Variants in FRMD4A observed in about 807,000 individuals in gnomAD.
The protein encoded by FRMD4A is FERM domain-containing protein 4A.
FRMD4A carries 29 observed loss-of-function variants against 129.1 expected under a neutral mutation model. The ratio of observed to expected loss-of-function variants is 0.22; its 90% CI spans 0.17 to 0.31. The LOEUF (loss-of-function observed/expected upper bound fraction) is 0.31, where lower values mean the gene tolerates loss of function less well. Among genes scored for constraint, FRMD4A ranks in the 10% least tolerant of loss-of-function variants. The pLI is 1.00. For missense variants in FRMD4A, 1,272 were observed against 1,375.8 expected (o/e 0.92, Z 1.19); for synonymous variants, 634 against 571.6 (o/e 1.11, Z -1.56).
intron 2 of FRMD4A, among the ~76,000 whole-genome samples, chr10:14,207,977 G>T (rs1029270857): frequency 6.6e-6 from 1 of 152,028 alleles, no homozygotes; most frequent in Non-Finnish European, 1.5e-5. Flanking sequence ...GAGGCCAGGG[G>T]ATCGCTTGAA....
intron 12 of FRMD4A, among the ~76,000 whole-genome samples, chr10:13,736,641 C>T (rs2090644292): frequency 6.6e-6 from 1 of 152,318 alleles, no homozygotes; most frequent in South Asian, 2.1e-4. Flanking sequence ...CTACAATCCA[C>T]TTAGATATGT....
chr10:14,296,503 G>A (rs1180157604), intron 2 of FRMD4A, among the ~76,000 whole-genome samples: 3 of 152,098 alleles, frequency 2.0e-5, no homozygotes, highest in Non-Finnish European at 4.4e-5. Context: ...ACTGCCCTCA[G>A]GTGTCAGCTG....
intron 2 of FRMD4A, among the ~76,000 whole-genome samples, chr10:13,868,054 G>C (rs1412677003): frequency 6.7e-6 from 1 of 149,862 alleles, no homozygotes; most frequent in Non-Finnish European, 1.5e-5. Context: ...AGGAGTTCGA[G>C]ACCAGCCTGG....
chr10:13,695,218 G>C (rs926705726), intron 14 of FRMD4A, among the ~76,000 whole-genome samples: 1 of 151,698 alleles, frequency 6.6e-6, no homozygotes, highest in Non-Finnish European at 1.5e-5. Flanking sequence ...TTGACTCTCT[G>C]CAACCTCTGC....
At chr10:13,832,533 C>T (rs10906507) in intron 3 of FRMD4A, among the ~76,000 whole-genome samples, 29,891 of 152,062 alleles carry the variant, frequency 0.2, 3,112 homozygotes, top group Non-Finnish European at 0.24. Flanking sequence ...TTGGGTGGGT[C>T]GAGGAATCTG....
intron 21 of FRMD4A, among the ~76,000 whole-genome samples, chr10:13,658,907 G>T (rs1226060045): frequency 6.7e-6 from 1 of 148,940 alleles, no homozygotes; most frequent in South Asian, 2.1e-4. Flanking sequence ...AAAAGAAACA[G>T]AAGGTGTGAT....
chr10:13,656,722 C>A lies in FRMD4A; in HGVS notation c.2867G>T (p.Gly956Val). The A allele has an allele frequency of 6.3e-7, 1 of 1,589,572 alleles. No homozygotes were observed. The highest frequency in any genetic ancestry group is 1.1e-5 in the South Asian group (1 of 87,838). Reference sequence around the variant, plus strand: ...CTGGGAGGAGGTGCTGTACTGCGAGCCGCTGTCCGAGGAGGTGGAGCTGGT... The same window carrying A: ...CTGGGAGGAGGTGCTGTACTGCGAGACGCTGTCCGAGGAGGTGGAGCTGGT... ...SHTSSTSSDS[G>V]SQYSTSSQST... The change falls in exon 22 of 25, where the codon GGC (glycine) becomes GTC (valine). Residue 956 changes from glycine to valine, a missense_variant. Around this residue, in one of 2 missense-constraint regions of FRMD4A, gnomAD observed 972 missense variants for 892.3 expected, o/e 1.09. Transcript: ENST00000357447.
intron 2 of FRMD4A, among the ~76,000 whole-genome samples, chr10:14,247,180 C>G (rs1844272154): frequency 6.6e-6 from 1 of 152,070 alleles, no homozygotes; most frequent in Non-Finnish European, 1.5e-5. Flanking sequence ...GACTAGTGAC[C>G]CAAAGACCAG....
intron 2 of FRMD4A, among the ~76,000 whole-genome samples, chr10:14,185,053 A>T (rs1274502265): frequency 5.3e-5 from 8 of 152,170 alleles, no homozygotes; most frequent in Admixed American, 5.2e-4. Flanking sequence ...CTGGGCCTTG[A>T]TACTTTTTCT....
chr10:14,238,823 G>A (rs560288737), intron 2 of FRMD4A, among the ~76,000 whole-genome samples: 41 of 152,204 alleles, frequency 2.7e-4, no homozygotes, highest in African/African-American at 7.5e-4. Context: ...TGAGAATGAC[G>A]GCTTCCAACT....
intron 2 of FRMD4A, among the ~76,000 whole-genome samples, chr10:14,134,669 G>T (rs1374466655): frequency 4.0e-5 from 6 of 151,626 alleles, no homozygotes; most frequent in African/African-American, 1.5e-4. Context: ...ATAGATGGGG[G>T]TACAAATGAA....
At chr10:13,765,647 C>T (rs755505058) in intron 6 of FRMD4A, among the ~76,000 whole-genome samples, 38 of 152,114 alleles carry the variant, frequency 2.5e-4, no homozygotes, top group Non-Finnish European at 2.6e-4. Context: ...TAATTCCTTA[C>T]GTTTAACCAG....
chr10:14,093,121 G>A lies in FRMD4A; in HGVS notation c.46-234209C>T, dbSNP rs139885428. On this transcript the variant is annotated intron_variant, in intron 2 of 24. Coordinates refer to ENST00000357447, the MANE Select transcript of FRMD4A (RefSeq NM_018027.5). Reference sequence around the variant, plus strand: ...AGGGGAGGTACAGAGGCCGTGGAATGACTGTGCCTGCCTTCCTGATCCCAG... The same window carrying A: ...AGGGGAGGTACAGAGGCCGTGGAATAACTGTGCCTGCCTTCCTGATCCCAG... Among the ~76,000 whole-genome samples the A allele has an allele frequency of 6.6e-3, 1,006 of 152,318 alleles. 9 individuals carry two copies. Among genetic ancestry groups the A allele is most frequent in the Middle Eastern group, 0.02 (6 of 294 alleles).
In FRMD4A at chr10:13,983,033, CA is replaced by C. The variant is rs562000042; in HGVS notation, c.46-124122del. Among the ~76,000 whole-genome samples the C allele has an allele frequency of 3.9e-5, 6 of 152,232 alleles. No individual in the cohort carries two copies. The East Asian group carries it at 7.7e-4, about 20-fold the overall frequency. ...GCAGTGGGAAGATCTCGGCTCACTG[CA>C]ACTTCTGCCTCCTGGTTCAAGTGAT... On this transcript the variant is annotated intron_variant, in intron 2 of 24. Transcript: ENST00000357447.
chr10:14,322,884 C>A (rs967471504), intron 2 of FRMD4A, among the ~76,000 whole-genome samples: 2 of 152,240 alleles, frequency 1.3e-5, no homozygotes, highest in African/African-American at 4.8e-5. Context: ...CTTTGCAAAG[C>A]TGCTGTACAA....
intron 2 of FRMD4A, among the ~76,000 whole-genome samples, chr10:13,985,265 T>C (rs913401112): frequency 1.3e-5 from 2 of 152,170 alleles, no homozygotes. Flanking sequence ...CCTGCATACT[T>C]GGGGCTGGCT....
At chr10:14,038,201 T>C (rs1446262347) in intron 2 of FRMD4A, among the ~76,000 whole-genome samples, 1 of 152,184 alleles carries the variant, frequency 6.6e-6, no homozygotes, top group Non-Finnish European at 1.5e-5. Flanking sequence ...CGGGCGCCTG[T>C]AGTCCCAGCT....
intron 2 of FRMD4A, among the ~76,000 whole-genome samples, chr10:14,313,940 A>T (rs1175679794): frequency 6.6e-6 from 1 of 152,210 alleles, no homozygotes; most frequent in Non-Finnish European, 1.5e-5. Context: ...CCTCCATGAT[A>T]ACTGCCTTGT....
chr10:14,155,775 C>T (rs1294352173), intron 2 of FRMD4A, among the ~76,000 whole-genome samples: 1 of 152,090 alleles, frequency 6.6e-6, no homozygotes, highest in Non-Finnish European at 1.5e-5. Flanking sequence ...GGAAAGCCAT[C>T]AAGTAATCTC....
Sources: allele counts gnomAD v4.1 joint callset (sites outside exome capture counted in the v4.1 genomes callset), GRCh38; gene constraint gnomAD v4.1.1; regional missense constraint gnomAD v4.1.1; transcripts MANE v1.5; gene names NCBI Gene and HGNC (gene_info 2026-07-23, HGNC 2026-07-21).